ANKRD11: variants seen among roughly 807,000 people sequenced by gnomAD.
ANKRD11 encodes the protein ankyrin repeat domain 11.
ANKRD11 carries 17 observed loss-of-function variants against 195.7 expected under a neutral mutation model. The observed-to-expected ratio is 0.09, with a 90% CI of 0.06 to 0.13. ANKRD11 has a LOEUF of 0.13. Among genes scored for constraint, ANKRD11 ranks in the 10% least tolerant of loss-of-function variants. The pLI, the probability that ANKRD11 is intolerant of heterozygous loss-of-function variation, is 1.00. For synonymous variants in ANKRD11, 1,953 were observed against 1,528.1 expected (o/e 1.28, Z -6.49); for missense variants, 3,735 against 3,566.1 (o/e 1.05, Z -1.21).
chr16:89,383,873 G>A (rs775093954), intron 2 of ANKRD11, among the ~76,000 whole-genome samples: 1 of 152,186 alleles, frequency 6.6e-6, no homozygotes, highest in African/African-American at 2.4e-5. Flanking sequence ...CCAAGCTCCA[G>A]TCATACCTCT....
rs116311969 is a variant in ANKRD11 at position 89,332,380 on chromosome 16, T to C, written c.-59-15302A>G. On this transcript the variant is annotated intron_variant, in intron 2 of 12. Coordinates refer to ENST00000301030, the MANE Select transcript of ANKRD11 (RefSeq NM_013275.6). Reference sequence around the variant, plus strand: ...GCTGTACCTTTTCAGAAAGAAACACTGAGCCCCCCAAGTCCCCGAGGACAG... The same window carrying C: ...GCTGTACCTTTTCAGAAAGAAACACCGAGCCCCCCAAGTCCCCGAGGACAG... Among the ~76,000 whole-genome samples the C allele has an allele frequency of 3.9e-3, 595 of 152,288 alleles. 2 individuals carry two copies. Among genetic ancestry groups the C allele is most frequent in the African/African-American group, 0.014 (574 of 41,562 alleles).
chr16:89,291,849 G>C lies in ANKRD11; in HGVS notation c.227-666C>G, dbSNP rs552505049. ...CGGCTGTTTCCACCTCAGCCTCCTC[G>C]TAACAAGCACACCCTGCACTCATCT... is the stretch of plus-strand genomic sequence containing the variant. On this transcript the variant is annotated intron_variant, in intron 4 of 12. Transcript: ENST00000301030. This position sits in a 1 kb window ranked among gnomAD's most constrained non-coding sequence, Gnocchi z 5.3. 1.6e-4 allele frequency: 174 copies of C among 1,073,474 alleles called. No individual in the cohort carries two copies. Among genetic ancestry groups the C allele is most frequent in the Non-Finnish European group, 1.8e-4 (142 of 792,726 alleles). 66.5% of individuals were successfully genotyped at this position (1,073,474 alleles called of 1,614,324 possible). A position where few individuals can be genotyped will look rare whatever the true frequency, so the allele number is the denominator to read the frequency against.
chr16:89,339,406 C>G (rs548227824), intron 2 of ANKRD11, among the ~76,000 whole-genome samples: 10 of 152,294 alleles, frequency 6.6e-5, no homozygotes, highest in Admixed American at 6.5e-4. Context: ...ACTGGGAAAG[C>G]TGGTCGGTAG....
At chr16:89,431,608 T>A (rs2042981373) in intron 1 of ANKRD11, among the ~76,000 whole-genome samples, 1 of 152,168 alleles carries the variant, frequency 6.6e-6, no homozygotes, top group Non-Finnish European at 1.5e-5. Flanking sequence ...GTGAACTTTG[T>A]TTCCATTTTG....
intron 2 of ANKRD11, among the ~76,000 whole-genome samples, chr16:89,347,491 G>C (rs978440146): frequency 2.0e-5 from 3 of 151,888 alleles, no homozygotes; most frequent in Admixed American, 6.6e-5. Flanking sequence ...GGCGCCGGTA[G>C]TCCCAGCTAC....
intron 9 of ANKRD11, chr16:89,278,679 G>A (rs776571203): frequency 5.7e-5 from 27 of 476,898 alleles, no homozygotes; most frequent in Non-Finnish European, 1.1e-4. Flanking sequence ...GCGGGTCCAA[G>A]GGAGAAGGGG....
chr16:89,427,403 T>A (rs1379593015), intron 1 of ANKRD11, among the ~76,000 whole-genome samples: 8 of 152,208 alleles, frequency 5.3e-5, no homozygotes, highest in Non-Finnish European at 1.0e-4. Context: ...TCAAAAGTGA[T>A]CCAAAAATCT....
At chr16:89,321,636 A>G (rs896128153) in intron 2 of ANKRD11, among the ~76,000 whole-genome samples, 5 of 152,164 alleles carry the variant, frequency 3.3e-5, no homozygotes, top group Non-Finnish European at 5.9e-5. Context: ...TGTTCTGCAC[A>G]CTAACACCTG....
intron 1 of ANKRD11, among the ~76,000 whole-genome samples, chr16:89,462,075 CCTCTCCCCATGGTCTCCCTCTCCCTCTCT>C (rs1019627425): frequency 6.9e-6 from 1 of 145,020 alleles, no homozygotes; most frequent in African/African-American, 2.5e-5. Flanking sequence ...TCTCCCTCTC[CCTCTCCCCATGGTCTCCCTCTCCCTCTCT>C]TTCCACGGTC....
intron 1 of ANKRD11, among the ~76,000 whole-genome samples, chr16:89,428,363 A>G (rs1050199830): frequency 5.3e-5 from 8 of 151,844 alleles, no homozygotes; most frequent in Non-Finnish European, 1.2e-4. Flanking sequence ...GTCTCTACTA[A>G]AAATACAAAA....
intron 1 of ANKRD11, among the ~76,000 whole-genome samples, chr16:89,454,447 C>T (rs1266043087): frequency 6.6e-6 from 1 of 152,200 alleles, no homozygotes; most frequent in Non-Finnish European, 1.5e-5. Context: ...AACAATCATA[C>T]TACACTCATA....
intron 1 of ANKRD11, among the ~76,000 whole-genome samples, chr16:89,440,341 C>T (rs548167761): frequency 1.3e-5 from 2 of 152,278 alleles, no homozygotes; most frequent in African/African-American, 4.8e-5. Context: ...AGCGTGGTGG[C>T]TCAGGCCTGT....
chr16:89,283,375 A>C lies in ANKRD11; in HGVS notation c.3167T>G (p.Phe1056Cys). 1 of 1,613,604 alleles carries C rather than the reference A, an allele frequency of 6.2e-7. No homozygotes were observed. Among genetic ancestry groups the C allele is most frequent in the Non-Finnish European group, 8.5e-7 (1 of 1,179,974 alleles). Residue 1056 changes from phenylalanine to cysteine, a missense_variant, in exon 9 of 13, where the codon TTT (phenylalanine) becomes TGT (cysteine). Transcript: ENST00000301030. The surrounding 1 kb of genome is among the most constrained non-coding windows in gnomAD (Gnocchi z 4.3). ...CQKDKEFDKC[F>C]KEKKDTKEKH... ...TTCCTTGGTATCTTTTTTCTCTTTA[A>C]AACATTTATCAAATTCTTTGTCCTT... is the stretch of plus-strand genomic sequence containing the variant.
chr16:89,441,502 T>G (rs998139778), intron 1 of ANKRD11, among the ~76,000 whole-genome samples: 2 of 151,792 alleles, frequency 1.3e-5, no homozygotes, highest in Non-Finnish European at 2.9e-5. Flanking sequence ...GCGCGGTGGC[T>G]CACGCCTGTA....
chr16:89,449,519 C>T (rs2043966563), intron 1 of ANKRD11, among the ~76,000 whole-genome samples: 1 of 151,720 alleles, frequency 6.6e-6, no homozygotes, highest in African/African-American at 2.4e-5. Context: ...GCAGGCCGGG[C>T]GTGGTGGCTC....
intron 1 of ANKRD11, among the ~76,000 whole-genome samples, chr16:89,452,726 G>A (rs1313953618): frequency 1.4e-5 from 2 of 139,258 alleles, no homozygotes; most frequent in Admixed American, 7.8e-5. Context: ...GTTGCAGTGA[G>A]CAGAGATCAT....
At chr16:89,305,532 G>A (rs561293478) in intron 3 of ANKRD11, among the ~76,000 whole-genome samples, 188 bp from the exon 4 acceptor site, 6 of 152,184 alleles carry the variant, frequency 3.9e-5, no homozygotes, top group African/African-American at 7.2e-5. Context: ...GCCCGGGGTC[G>A]GGCTGTGGCT....
rs758856347 is a variant in ANKRD11, at chr16:89,283,661, G to A, written c.2881C>T (p.Arg961Cys). The A allele has an allele frequency of 8.1e-6, 13 of 1,611,700 alleles. No homozygotes were observed. The highest frequency in any genetic ancestry group is 3.3e-5 in the South Asian group (3 of 91,068). The change falls in exon 9 of 13, where the codon CGC becomes TGC. Residue 961 changes from arginine (R) to cysteine (C), a missense_variant. Coordinates refer to ENST00000301030, the MANE Select transcript of ANKRD11 (RefSeq NM_013275.6). This position sits in a 1 kb window ranked among gnomAD's most constrained non-coding sequence, Gnocchi z 4.3. ...TCGGGCTTGGCCCTGCCGTCCCTGC[G>A]CTCCTTGCAGCTCTCCAGGGCGTCC... ...RKDALESCKE[R>C]RDGRAKPEEA... is the part of the protein sequence containing the mutation.
rs71374173 is a variant in ANKRD11 at position 89,398,402 on chromosome 16, G to A, written c.-60+19882C>T. ...TGTGAAACAGATGAAGATTACCTGT[G>A]ATCTCAGCACTCTGGGAGGCTGACA... On this transcript the variant is annotated intron_variant, in intron 2 of 12. Transcript: ENST00000301030. Among the ~76,000 whole-genome samples the A allele has an allele frequency of 2.0e-3, 115 of 57,400 alleles. 3 individuals are homozygous for A. The highest frequency in any genetic ancestry group is 5.3e-3 in the African/African-American group (97 of 18,342). 37.7% of individuals were successfully genotyped at this position (57,400 alleles called of 152,430 possible). A position where few individuals can be genotyped will look rare whatever the true frequency, so the allele number is the denominator to read the frequency against.
Sources: gnomAD v4.1 joint callset for allele counts (sites outside exome capture counted in the v4.1 genomes callset) on GRCh38, gnomAD v4.1.1 for gene constraint, Gnocchi (gnomAD v3.1) non-coding constraint, MANE v1.5 for transcripts, NCBI Gene and HGNC (gene_info 2026-07-23, HGNC 2026-07-21) for gene names.